The following ENTREP2 variants were observed in gnomAD, a reference collection of about 807,000 sequenced individuals.
ENTREP2 encodes the protein protein ENTREP2.
the ENTREP2 span, among the ~76,000 whole-genome samples, chr15:29,228,466 GT>G: frequency 2.6e-5 from 4 of 152,286 alleles, no homozygotes; most frequent in East Asian, 7.7e-4. Flanking sequence ...AAAAGTTATT[GT>G]TTGATGGGTA....
chr15:29,467,070 C>T, the ENTREP2 span, among the ~76,000 whole-genome samples: 1 of 150,814 alleles, frequency 6.6e-6, no homozygotes, highest in African/African-American at 2.4e-5. Flanking sequence ...GGGGAGGATG[C>T]TGATGGCCCC....
the ENTREP2 span, among the ~76,000 whole-genome samples, chr15:29,162,246 T>C: frequency 6.6e-6 from 1 of 152,004 alleles, no homozygotes; most frequent in Non-Finnish European, 1.5e-5. Context: ...AGGGTAAAAC[T>C]CAACAGGGAG....
the ENTREP2 span, among the ~76,000 whole-genome samples, chr15:29,646,254 AGGTG>A: frequency 6.6e-6 from 1 of 152,204 alleles, no homozygotes; most frequent in Non-Finnish European, 1.5e-5. Flanking sequence ...TCAGAAGTCC[AGGTG>A]GCTTGACTGG....
chr15:29,668,166 A>C, the ENTREP2 span, among the ~76,000 whole-genome samples: 1 of 152,160 alleles, frequency 6.6e-6, no homozygotes, highest in African/African-American at 2.4e-5. Context: ...ACTGCCCTTC[A>C]CTCTAGCAAC....
the ENTREP2 span, among the ~76,000 whole-genome samples, chr15:29,494,452 G>A: frequency 6.6e-6 from 1 of 152,198 alleles, no homozygotes; most frequent in African/African-American, 2.4e-5. Flanking sequence ...CATATTCACT[G>A]TAAAATGATT....
At chr15:29,123,062 G>C in the ENTREP2 span, 2 of 423,784 alleles carry the variant, frequency 4.7e-6, no homozygotes, top group Admixed American at 3.9e-5. Flanking sequence ...CTGCACGCCA[G>C]ATAAAACCAG....
At chr15:29,575,037 G>A in the ENTREP2 span, among the ~76,000 whole-genome samples, 4 of 152,302 alleles carry the variant, frequency 2.6e-5, no homozygotes, top group East Asian at 1.9e-4. Context: ...TGTGCAGCAC[G>A]TGGGCTGCCT....
At chr15:29,533,833 A>G in the ENTREP2 span, among the ~76,000 whole-genome samples, 1 of 152,244 alleles carries the variant, frequency 6.6e-6, no homozygotes, top group Non-Finnish European at 1.5e-5. Flanking sequence ...GGAAAGGAAG[A>G]AGGGAAATAC....
chr15:29,627,201 CTT>C, the ENTREP2 span, among the ~76,000 whole-genome samples: 1 of 152,086 alleles, frequency 6.6e-6, no homozygotes, highest in Non-Finnish European at 1.5e-5. Flanking sequence ...TTCTAACTGA[CTT>C]TTTAAGCCAT....
At chr15:29,223,463 G>A in the ENTREP2 span, among the ~76,000 whole-genome samples, 4 of 152,178 alleles carry the variant, frequency 2.6e-5, no homozygotes, top group South Asian at 8.3e-4. Context: ...GCACCTGTGA[G>A]CCTGTTCCTT....
At chr15:29,538,272 G>A in the ENTREP2 span, among the ~76,000 whole-genome samples, 3 of 152,110 alleles carry the variant, frequency 2.0e-5, no homozygotes, top group African/African-American at 7.2e-5. Context: ...ATGTTCAGCT[G>A]GGCAGCTACA....
the ENTREP2 span, among the ~76,000 whole-genome samples, chr15:29,399,414 G>T: frequency 6.6e-6 from 1 of 152,044 alleles, no homozygotes; most frequent in African/African-American, 2.4e-5. Flanking sequence ...AAAAATAAAA[G>T]AAAGTTATAA....
chr15:29,206,662 G>A, the ENTREP2 span, among the ~76,000 whole-genome samples: 7 of 152,086 alleles, frequency 4.6e-5, no homozygotes, highest in Non-Finnish European at 1.0e-4. Context: ...TCCGGGGTGC[G>A]ACATAAAGGG....
At chr15:29,450,816 T>C in the ENTREP2 span, among the ~76,000 whole-genome samples, 3 of 152,126 alleles carry the variant, frequency 2.0e-5, no homozygotes, top group Non-Finnish European at 2.9e-5. Context: ...CAAAGGAACA[T>C]AGATGGCCAT....
chr15:29,578,428 G>T, the ENTREP2 span, among the ~76,000 whole-genome samples: 3 of 152,188 alleles, frequency 2.0e-5, no homozygotes, highest in African/African-American at 7.2e-5. Flanking sequence ...AAGCAAGCTG[G>T]ACTCCCTGGA....
the ENTREP2 span, among the ~76,000 whole-genome samples, chr15:29,329,242 A>G: frequency 6.6e-6 from 1 of 151,864 alleles, no homozygotes; most frequent in African/African-American, 2.4e-5. Flanking sequence ...AGGTGCCTGT[A>G]GTCCCAGCTC....
At chr15:29,564,885 C>T in the ENTREP2 span, among the ~76,000 whole-genome samples, 1 of 152,062 alleles carries the variant, frequency 6.6e-6, no homozygotes, top group Non-Finnish European at 1.5e-5. Flanking sequence ...GGCTGTCTTG[C>T]TGATTGGTTT....
chr15:29,153,744 G>A, the ENTREP2 span, among the ~76,000 whole-genome samples: 3 of 152,198 alleles, frequency 2.0e-5, no homozygotes, highest in Admixed American at 6.5e-5. Context: ...GCCCCAGATT[G>A]TGAACAGTTT....
At chr15:29,554,129 A>G in the ENTREP2 span, among the ~76,000 whole-genome samples, 3 of 152,024 alleles carry the variant, frequency 2.0e-5, no homozygotes, top group Non-Finnish European at 4.4e-5. Flanking sequence ...CCTGATCAAC[A>G]TGTTGAAACC....
Sources: allele counts gnomAD v4.1 joint callset (sites outside exome capture counted in the v4.1 genomes callset), GRCh38; gene constraint gnomAD v4.1.1; transcripts MANE v1.5; gene names NCBI Gene and HGNC (gene_info 2026-07-23, HGNC 2026-07-21).